The following CDH13 variants were observed in gnomAD, a reference collection of about 807,000 sequenced individuals.
The protein encoded by CDH13 is cadherin 13.
In CDH13, 24 loss-of-function variants were observed where a neutral mutation model predicts 63.8. The observed-to-expected ratio is 0.38, with a 90% CI of 0.27 to 0.53. The LOEUF (loss-of-function observed/expected upper bound fraction) is 0.53. Among genes scored for constraint, CDH13 ranks in the 20% least tolerant of loss-of-function variants. CDH13 has a pLI of 0.85. For synonymous variants in CDH13, 503 were observed against 355.3 expected (o/e 1.42, Z -4.67); for missense variants, 1,049 against 903.1 (o/e 1.16, Z -2.07).
At chr16:83,098,838 G>A (rs377112809) in intron 3 of CDH13, among the ~76,000 whole-genome samples, 1 of 152,132 alleles carries the variant, frequency 6.6e-6, no homozygotes, top group Non-Finnish European at 1.5e-5. Flanking sequence ...ACATTTTTGA[G>A]TGGAGAATCA....
intron 3 of CDH13, among the ~76,000 whole-genome samples, chr16:83,116,157 C>G (rs2035282578): frequency 6.6e-6 from 1 of 152,222 alleles, no homozygotes; most frequent in African/African-American, 2.4e-5. Context: ...GCAGACATAA[C>G]AAAAGTGAGC....
At chr16:82,721,869 G>A (rs2032795212) in intron 1 of CDH13, among the ~76,000 whole-genome samples, 1 of 152,152 alleles carries the variant, frequency 6.6e-6, no homozygotes, top group African/African-American at 2.4e-5. Context: ...GTGCAGACCA[G>A]GGGAAATGCC....
At chr16:83,002,081 G>T (rs1056322073) in intron 2 of CDH13, among the ~76,000 whole-genome samples, 1 of 152,218 alleles carries the variant, frequency 6.6e-6, no homozygotes, top group African/African-American at 2.4e-5. Context: ...AGATACAACA[G>T]TGGATATGAT....
chr16:82,807,654 C>G (rs935378963), intron 1 of CDH13, among the ~76,000 whole-genome samples: 10 of 152,144 alleles, frequency 6.6e-5, no homozygotes, highest in Non-Finnish European at 1.2e-4. Context: ...GATAATAACC[C>G]TTAAGCTAAA....
intron 11 of CDH13, among the ~76,000 whole-genome samples, chr16:83,763,667 G>A (rs1025351048): frequency 6.6e-6 from 1 of 152,140 alleles, no homozygotes; most frequent in Non-Finnish European, 1.5e-5. Flanking sequence ...ACCCAATCAA[G>A]CCAGTTTAAC....
At chr16:82,717,735 G>A (rs1378805360) in intron 1 of CDH13, among the ~76,000 whole-genome samples, 1 of 152,082 alleles carries the variant, frequency 6.6e-6, no homozygotes, top group African/African-American at 2.4e-5. Context: ...CTCTTCATTT[G>A]GAAATCATTA....
intron 7 of CDH13, among the ~76,000 whole-genome samples, chr16:83,501,469 C>T (rs1311190756): frequency 6.6e-6 from 1 of 152,050 alleles, no homozygotes; most frequent in Non-Finnish European, 1.5e-5. Context: ...ATTCTCCATT[C>T]TTATTTCCTC....
chr16:83,217,034 G>A (rs375163952), intron 4 of CDH13, among the ~76,000 whole-genome samples: 12 of 152,006 alleles, frequency 7.9e-5, no homozygotes, highest in South Asian at 4.1e-4. Context: ...AATATATTTC[G>A]TGGAGTTAAA....
At chr16:83,545,650 C>A (rs933971228) in intron 7 of CDH13, among the ~76,000 whole-genome samples, 1 of 152,164 alleles carries the variant, frequency 6.6e-6, no homozygotes, top group East Asian at 1.9e-4. Flanking sequence ...CATTAGCCAT[C>A]TACCAGACCT....
intron 6 of CDH13, among the ~76,000 whole-genome samples, chr16:83,419,877 A>C (rs906858936): frequency 6.6e-6 from 1 of 151,898 alleles, no homozygotes; most frequent in African/African-American, 2.4e-5. Context: ...TCAGCTCTAC[A>C]TAATAACAGG....
At chr16:83,661,482 CAA>C (rs35875178) in intron 8 of CDH13, among the ~76,000 whole-genome samples, 3,900 of 116,626 alleles carry the variant, frequency 0.033, 73 homozygotes, top group Middle Eastern at 0.049. Flanking sequence ...GACCCTGTCT[CAA>C]AAAAAAAAAA....
intron 2 of CDH13, among the ~76,000 whole-genome samples, chr16:82,884,830 C>A (rs1394492365): frequency 6.6e-6 from 1 of 152,176 alleles, no homozygotes; most frequent in African/African-American, 2.4e-5. Context: ...ATATTATTTT[C>A]TTCTCCAGTC....
At chr16:83,753,505 C>T (rs533011231) in intron 11 of CDH13, among the ~76,000 whole-genome samples, 12 of 152,242 alleles carry the variant, frequency 7.9e-5, no homozygotes, top group East Asian at 7.7e-4. Context: ...AAGATCACAC[C>T]GCTGCACTCT....
intron 5 of CDH13, among the ~76,000 whole-genome samples, chr16:83,229,100 G>T (rs1022136608): frequency 3.3e-5 from 5 of 152,194 alleles, no homozygotes; most frequent in African/African-American, 1.2e-4. Context: ...GCAGGATAAG[G>T]TGCTTGGATT....
rs896597262 is a variant in CDH13, at chr16:82,933,820, G to C, written c.157+75347G>C. ...AACAAGGCAGTAATTAACTCTTAAA[G>C]CTCCAAAATAATCTCCTTTGACTCT... On this transcript the variant is annotated intron_variant, in intron 2 of 13. Transcript: ENST00000567109. Among the ~76,000 whole-genome samples the C allele has an allele frequency of 5.4e-4, 82 of 152,324 alleles. 1 individual carries two copies. The highest frequency in any genetic ancestry group is 1.9e-3 in the African/African-American group (78 of 41,580).
At chr16:83,701,651 G>A (rs539557634) in intron 10 of CDH13, among the ~76,000 whole-genome samples, 3 of 152,198 alleles carry the variant, frequency 2.0e-5, no homozygotes, top group East Asian at 3.9e-4. Context: ...TACCCTGACC[G>A]CCACCCAACA....
At chr16:83,577,629 G>A (rs1264468579) in intron 7 of CDH13, among the ~76,000 whole-genome samples, 1 of 152,214 alleles carries the variant, frequency 6.6e-6, no homozygotes, top group African/African-American at 2.4e-5. Context: ...GAGACTCATG[G>A]GTTTGTACTG....
intron 6 of CDH13, chr16:83,382,993 G>C (rs2091597488): frequency 6.6e-6 from 1 of 152,232 alleles, no homozygotes; most frequent in African/African-American, 2.4e-5. Flanking sequence ...CAAAAATCTT[G>C]AAAGAGCTAA....
rs927845527 is a variant in CDH13, at chr16:83,779,133, G to A, written c.1682-835G>A. Among the ~76,000 whole-genome samples, 8 of 152,228 alleles carry A rather than the reference G, an allele frequency of 5.3e-5. No individual in the cohort carries two copies. In the East Asian group the frequency reaches 1.5e-3, roughly 29 times the overall value. ...TCAATCAGAAGTCTTAAGGCCGGAT[G>A]CGGTGGCTCATGCCTGTATTCCCAG... On this transcript the variant is annotated intron_variant, in intron 11 of 13. Coordinates refer to ENST00000567109, the MANE Select transcript of CDH13 (RefSeq NM_001257.5).
Sources: allele counts gnomAD v4.1 joint callset (sites outside exome capture counted in the v4.1 genomes callset), GRCh38; gene constraint gnomAD v4.1.1; transcripts MANE v1.5; gene names NCBI Gene and HGNC (gene_info 2026-07-23, HGNC 2026-07-21).